RPS6KC1: variants seen among roughly 807,000 people sequenced by gnomAD.
RPS6KC1 encodes the protein inactive ribosomal protein S6 kinase delta-1.
A neutral mutation model predicts 103.8 loss-of-function variants in RPS6KC1; 54 were observed. The ratio of observed to expected loss-of-function variants is 0.52; its 90% CI spans 0.42 to 0.65. The LOEUF is 0.65. RPS6KC1 is among the 30% of genes least tolerant of loss of function. RPS6KC1 has a pLI of 0.00. For missense variants in RPS6KC1, 1,151 were observed against 1,253.8 expected, an observed-to-expected ratio of 0.92 and a Z score of 1.24; for synonymous variants, 439 against 438.7, an observed-to-expected ratio of 1.00 and a Z score of -0.01.
the RPS6KC1 span, among the ~76,000 whole-genome samples, chr1:213,376,419 TTAA>T: frequency 4.3e-4 from 66 of 152,256 alleles, no homozygotes; most frequent in African/African-American, 1.4e-3. Context: ...AATTGCATAC[TTAA>T]TGATGTTGAG....
intron 12 of RPS6KC1, among the ~76,000 whole-genome samples, chr1:213,260,634 T>A (rs1317512359): frequency 1.3e-5 from 2 of 150,894 alleles, no homozygotes; most frequent in Admixed American, 6.6e-5. Flanking sequence ...TTACCTATAG[T>A]CAAATAGTAG....
the RPS6KC1 span, among the ~76,000 whole-genome samples, chr1:213,533,401 C>G: frequency 6.6e-6 from 1 of 152,142 alleles, no homozygotes; most frequent in African/African-American, 2.4e-5. Flanking sequence ...ATGTGGGTTG[C>G]TAGAATCAAT....
At chr1:213,323,284 A>G in the RPS6KC1 span, among the ~76,000 whole-genome samples, 2 of 152,124 alleles carry the variant, frequency 1.3e-5, no homozygotes, top group Admixed American at 1.3e-4. Context: ...ACATAGGGTA[A>G]CATATTCACA....
the RPS6KC1 span, among the ~76,000 whole-genome samples, chr1:213,532,739 G>C: frequency 6.6e-6 from 1 of 152,242 alleles, no homozygotes; most frequent in East Asian, 1.9e-4. Flanking sequence ...CCGGCCTTCA[G>C]AGGGGGATGT....
At chr1:213,372,548 A>T in the RPS6KC1 span, among the ~76,000 whole-genome samples, 1 of 152,104 alleles carries the variant, frequency 6.6e-6, no homozygotes, top group African/African-American at 2.4e-5. Flanking sequence ...TTGCCCTCTA[A>T]CCATTTCTGT....
the RPS6KC1 span, among the ~76,000 whole-genome samples, chr1:213,339,795 G>C: frequency 6.6e-6 from 1 of 152,192 alleles, no homozygotes; most frequent in Non-Finnish European, 1.5e-5. Context: ...GTCCCAGGAC[G>C]CATGGTGGCT....
the RPS6KC1 span, among the ~76,000 whole-genome samples, chr1:213,397,933 G>A: frequency 6.6e-6 from 1 of 152,214 alleles, no homozygotes; most frequent in Admixed American, 6.5e-5. Context: ...CGTGGAGACA[G>A]AAGGGCCTGG....
At chr1:213,069,691 T>C (rs1290324713) in intron 1 of RPS6KC1, among the ~76,000 whole-genome samples, 1 of 152,220 alleles carries the variant, frequency 6.6e-6, no homozygotes, top group Non-Finnish European at 1.5e-5. Context: ...TTAAAATTTT[T>C]TTTAAAGTGA....
the RPS6KC1 span, among the ~76,000 whole-genome samples, chr1:213,380,803 CCATCCG>C: frequency 6.6e-6 from 1 of 152,214 alleles, no homozygotes; most frequent in African/African-American, 2.4e-5. Flanking sequence ...AGTATTTCCG[CCATCCG>C]CAGCTCACCC....
At chr1:213,504,246 GA>G in the RPS6KC1 span, among the ~76,000 whole-genome samples, 1 of 152,084 alleles carries the variant, frequency 6.6e-6, no homozygotes, top group Non-Finnish European at 1.5e-5. Flanking sequence ...GTAGTTAACT[GA>G]TTATATTTCT....
chr1:213,800,250 C>T, the RPS6KC1 span, among the ~76,000 whole-genome samples: 3 of 152,188 alleles, frequency 2.0e-5, no homozygotes, highest in African/African-American at 4.8e-5. Context: ...AATTCCACGT[C>T]ATTGATGGTG....
chr1:213,151,403 C>T (rs1353751405), intron 6 of RPS6KC1, among the ~76,000 whole-genome samples: 5 of 136,600 alleles, frequency 3.7e-5, no homozygotes, highest in Non-Finnish European at 7.9e-5. Flanking sequence ...GGGCTCCTCG[C>T]TTCCCAGTAG....
At chr1:213,745,870 A>T in the RPS6KC1 span, among the ~76,000 whole-genome samples, 1 of 152,196 alleles carries the variant, frequency 6.6e-6, no homozygotes, top group African/African-American at 2.4e-5. Context: ...GGAGAGGGGT[A>T]TGCGGATAAA....
chr1:213,521,169 C>T, the RPS6KC1 span, among the ~76,000 whole-genome samples: 4 of 151,998 alleles, frequency 2.6e-5, no homozygotes, highest in Admixed American at 6.6e-5. Flanking sequence ...TACAGGCATA[C>T]CTTGGAGATA....
At chr1:213,303,730 G>T in the RPS6KC1 span, among the ~76,000 whole-genome samples, 1 of 152,122 alleles carries the variant, frequency 6.6e-6, no homozygotes, top group Non-Finnish European at 1.5e-5. Context: ...CCAACTTGAG[G>T]ATAGCTCTAT....
chr1:213,618,720 G>A, the RPS6KC1 span, among the ~76,000 whole-genome samples: 2 of 152,240 alleles, frequency 1.3e-5, no homozygotes, highest in African/African-American at 2.4e-5. Flanking sequence ...AGGTCATGGA[G>A]TGCAAAGTAT....
intron 8 of RPS6KC1, among the ~76,000 whole-genome samples, chr1:213,219,859 G>A (rs2093780126): frequency 6.9e-6 from 1 of 144,914 alleles, no homozygotes; most frequent in African/African-American, 2.5e-5. Flanking sequence ...GCCTGTTGTG[G>A]GGTGGGGGGA....
chr1:213,702,668 A>G, the RPS6KC1 span, among the ~76,000 whole-genome samples: 1 of 151,868 alleles, frequency 6.6e-6, no homozygotes, highest in Non-Finnish European at 1.5e-5. Context: ...TATATAGTGT[A>G]ATTCTTTGAC....
At chr1:213,337,051 A>G in the RPS6KC1 span, among the ~76,000 whole-genome samples, 1 of 152,196 alleles carries the variant, frequency 6.6e-6, no homozygotes, top group Non-Finnish European at 1.5e-5. Context: ...AGGGATATCA[A>G]TTGATGTTGT....
Sources: gnomAD v4.1 joint callset for allele counts (sites outside exome capture counted in the v4.1 genomes callset) on GRCh38, gnomAD v4.1.1 for gene constraint, MANE v1.5 for transcripts, NCBI Gene and HGNC (gene_info 2026-07-23, HGNC 2026-07-21) for gene names.